TANGO2: variants seen among roughly 807,000 people sequenced by gnomAD.
The protein encoded by TANGO2 is transport and Golgi organization protein 2 homolog.
In TANGO2, 26 loss-of-function variants were observed where a neutral mutation model predicts 39.1. That is an observed-to-expected ratio of 0.67 (90% CI 0.49 to 0.92). The LOEUF (loss-of-function observed/expected upper bound fraction) is 0.92. Ranked by LOEUF, TANGO2 falls within the 40% of genes least tolerant of loss-of-function variation. TANGO2 has a pLI of 0.00. For synonymous variants in TANGO2, 131 were observed against 144.5 expected (o/e 0.91, Z 0.67); for missense variants, 326 against 360.1 (o/e 0.91, Z 0.77).
chr22:20,052,906 G>A (rs1223191725), intron 4 of TANGO2, among the ~76,000 whole-genome samples: 1 of 152,174 alleles, frequency 6.6e-6, no homozygotes, highest in African/African-American at 2.4e-5. Flanking sequence ...CCACTGAGGT[G>A]TGCTGCAGGG....
chr22:20,056,371 G>T (rs1184875486), intron 6 of TANGO2: 5 of 513,420 alleles, frequency 9.7e-6, no homozygotes, highest in Admixed American at 9.1e-5. Context: ...ACCACCTGGG[G>T]TTCTTGCCTG....
intron 1 of TANGO2, among the ~76,000 whole-genome samples, chr22:20,025,676 G>T (rs1165782951): frequency 6.6e-6 from 1 of 152,182 alleles, no homozygotes; most frequent in Non-Finnish European, 1.5e-5. Flanking sequence ...TTCTGGCTGA[G>T]ACCTCCCTGC....
At position 20,050,357 on chromosome 22, in the gene TANGO2, G is replaced by GTTTTTTTTTTTTTTTTTTTTTTTTT. The variant is rs1491540119; in HGVS notation, c.146-2108_146-2107insTTTTTTTTTTTTTTTTTTTTTTTTT. On this transcript the variant is annotated intron_variant, in intron 3 of 8. Coordinates refer to ENST00000327374, the MANE Select transcript of TANGO2 (RefSeq NM_152906.7). ...ATTTTTCATTAAATATTTTCCTGGTGGTTTTTTTTTTTTTTTTTTTTTTTG... is the reference window on the plus strand; with the variant it reads ...ATTTTTCATTAAATATTTTCCTGGTGTTTTTTTTTTTTTTTTTTTTTTTTTGTTTTTTTTTTTTTTTTTTTTTTTG... Among the ~76,000 whole-genome samples, 4 of 69,204 alleles carry GTTTTTTTTTTTTTTTTTTTTTTTTT rather than the reference G, an allele frequency of 5.8e-5. 2 individuals carry two copies. The highest frequency in any genetic ancestry group is 1.1e-4 in the African/African-American group (2 of 18,628). 45.4% of individuals were successfully genotyped at this position (69,204 alleles called of 152,430 possible). A position where few individuals can be genotyped will look rare whatever the true frequency, so the allele number is the denominator to read the frequency against.
chr22:20,037,255 G>A (rs1022046664), intron 2 of TANGO2, among the ~76,000 whole-genome samples: 3 of 152,150 alleles, frequency 2.0e-5, no homozygotes, highest in Non-Finnish European at 2.9e-5. Flanking sequence ...GCCAGGCTAG[G>A]GGTCTGTGGG....
At chr22:20,033,318 A>G (rs1447321978) in intron 1 of TANGO2, 1 of 433,848 alleles carries the variant, frequency 2.3e-6, no homozygotes, top group Non-Finnish European at 4.5e-6. Context: ...CCCTTGGACC[A>G]TGGAGCCCTC....
At chr22:20,019,141 C>G (rs1231981223), upstream of TANGO2, 1 of 152,172 alleles carries the variant, frequency 6.6e-6, no homozygotes, top group Non-Finnish European at 1.5e-5. Context: ...CCACAGGGAC[C>G]AGTAGCCCAG....
chr22:20,041,870 G>A (rs115899289), intron 2 of TANGO2, among the ~76,000 whole-genome samples: 191 of 149,060 alleles, frequency 1.3e-3, no homozygotes, highest in African/African-American at 4.4e-3. Context: ...AACACTTGTC[G>A]GGCTCTCACC....
chr22:20,022,898 C>CA (rs2039991024), intron 1 of TANGO2, among the ~76,000 whole-genome samples: 1 of 152,232 alleles, frequency 6.6e-6, no homozygotes, highest in Admixed American at 6.5e-5. Flanking sequence ...AAGCAGGGCC[C>CA]ATCCTTTGGT....
upstream of TANGO2, among the ~76,000 whole-genome samples, chr22:20,020,522 G>C (rs529250102): frequency 1.2e-4 from 19 of 152,210 alleles, no homozygotes; most frequent in Non-Finnish European, 1.9e-4. Context: ...GGGTGGAAGT[G>C]GGGGAGGTGG....
chr22:20,053,357 CA>C, intron 4 of TANGO2, 79 bp from the exon 5 acceptor site: 1 of 981,014 alleles, frequency 1.0e-6, no homozygotes, highest in Non-Finnish European at 1.6e-6. Context: ...GCATCCTCCC[CA>C]GGGGGCCCCA....
Position 20,057,728 on chromosome 22 carries a change from C to T in TANGO2, c.451+1715C>T, listed in dbSNP as rs2047629708. On this transcript the variant is annotated intron_variant, in intron 6 of 8. Transcript: ENST00000327374. The surrounding 1 kb of genome is among the most constrained non-coding windows in gnomAD (Gnocchi z 4.1). ...AGGGTCGTGGGGTTGGAATGTGTGGCGAAGTAGGTCTGTGGCAGTGGAGTT... is the reference window on the plus strand; with the variant it reads ...AGGGTCGTGGGGTTGGAATGTGTGGTGAAGTAGGTCTGTGGCAGTGGAGTT... 2.6e-5 allele frequency among the ~76,000 whole-genome samples: 4 copies of T among 152,256 alleles called. No individual in the cohort carries two copies. In the East Asian group the frequency reaches 5.8e-4, roughly 22 times the overall value.
intron 2 of TANGO2, among the ~76,000 whole-genome samples, chr22:20,040,721 G>A (rs2043743225): frequency 6.6e-6 from 1 of 152,224 alleles, no homozygotes; most frequent in Non-Finnish European, 1.5e-5. Context: ...TACTAGCACT[G>A]TCCAGCCCAG....
At chr22:20,062,266 G>T (rs2048524523) in intron 7 of TANGO2, among the ~76,000 whole-genome samples, 1 of 152,156 alleles carries the variant, frequency 6.6e-6, no homozygotes, top group South Asian at 2.1e-4. Flanking sequence ...CCAGCCGGGG[G>T]TCCTGGTGCT....
chr22:20,037,855 T>C (rs1484763886), intron 2 of TANGO2, among the ~76,000 whole-genome samples: 1 of 152,160 alleles, frequency 6.6e-6, no homozygotes, highest in Non-Finnish European at 1.5e-5. Flanking sequence ...CCCAGCACTT[T>C]GGGAGGCCAA....
At chr22:20,021,814 T>C (rs537638808) in intron 1 of TANGO2, among the ~76,000 whole-genome samples, 1 of 152,364 alleles carries the variant, frequency 6.6e-6, no homozygotes, top group South Asian at 2.1e-4. Flanking sequence ...CACAGAGGGC[T>C]GTTTGCTGAG....
At position 20,056,023 on chromosome 22, in the gene TANGO2, C is replaced by T; in HGVS notation, c.451+10C>T. 5.6e-6 allele frequency: 9 copies of T among 1,610,024 alleles called. No individual in the cohort carries two copies. Among genetic ancestry groups the T allele is most frequent in the Non-Finnish European group, 7.7e-6 (9 of 1,176,236 alleles). On this transcript the variant is annotated intron_variant, in intron 6 of 8. Coordinates refer to ENST00000327374, the MANE Select transcript of TANGO2 (RefSeq NM_152906.7). Reference sequence around the variant, plus strand: ...ATCGTTTTGACGCCAGGTGAGCCTGCCCTGGCAGCCTGATGGGGTGGGGGA... The same window carrying T: ...ATCGTTTTGACGCCAGGTGAGCCTGTCCTGGCAGCCTGATGGGGTGGGGGA...
At chr22:20,023,288 T>C (rs1601780383) in intron 1 of TANGO2, among the ~76,000 whole-genome samples, 1 of 128,262 alleles carries the variant, frequency 7.8e-6, no homozygotes, top group African/African-American at 3.3e-5. Flanking sequence ...ATGGTAGGAG[T>C]GCCCCCCTTT....
At chr22:20,060,610 C>T (rs1346448646) in intron 6 of TANGO2, among the ~76,000 whole-genome samples, 1 of 152,192 alleles carries the variant, frequency 6.6e-6, no homozygotes, top group Non-Finnish European at 1.5e-5. Context: ...CAACTCCCTT[C>T]TTTGCCCATG....
intron 2 of TANGO2, among the ~76,000 whole-genome samples, chr22:20,039,224 A>C (rs1185761878): frequency 6.6e-6 from 1 of 150,970 alleles, no homozygotes; most frequent in Non-Finnish European, 1.5e-5. Context: ...GTGAGCCACC[A>C]TGCCCGGCCT....
Sources: allele counts gnomAD v4.1 joint callset (sites outside exome capture counted in the v4.1 genomes callset), GRCh38; gene constraint gnomAD v4.1.1; non-coding constraint Gnocchi (gnomAD v3.1); transcripts MANE v1.5; gene names NCBI Gene and HGNC (gene_info 2026-07-23, HGNC 2026-07-21).